Variants in ABR observed in about 807,000 individuals in gnomAD.
The protein encoded by ABR is ABR activator of RhoGEF and GTPase.
A neutral mutation model predicts 107.2 loss-of-function variants in ABR; 35 were observed. The observed-to-expected ratio is 0.33, with a 90% CI of 0.25 to 0.43. ABR has a LOEUF of 0.43. Ranked by LOEUF, ABR falls within the 20% of genes least tolerant of loss-of-function variation. The pLI is 1.00. For missense variants in ABR, 815 were observed against 1,115.2 expected (o/e 0.73, Z 3.83); for synonymous variants, 498 against 462.0 (o/e 1.08, Z -1.00).
chr17:1,227,365 C>G (rs1208335919), intron 1 of ABR, among the ~76,000 whole-genome samples: 2 of 152,150 alleles, frequency 1.3e-5, no homozygotes, highest in South Asian at 4.1e-4. Context: ...GTAGCCTCCA[C>G]CAAGGGCATT....
chr17:1,085,622 C>T (rs142438143), intron 4 of ABR, among the ~76,000 whole-genome samples: 11 of 152,286 alleles, frequency 7.2e-5, no homozygotes, highest in African/African-American at 2.6e-4. Context: ...GCAGTCGCCA[C>T]CAGCTACCTG....
At chr17:1,215,211 C>T (rs1342502286) in intron 1 of ABR, among the ~76,000 whole-genome samples, 1 of 94,012 alleles carries the variant, frequency 1.1e-5, no homozygotes, top group African/African-American at 4.1e-5. Flanking sequence ...CAGAGCAAGA[C>T]TCTGTCTCAA....
intron 16 of ABR, among the ~76,000 whole-genome samples, chr17:1,018,674 A>C (rs1395149411): frequency 1.3e-5 from 2 of 152,154 alleles, no homozygotes; most frequent in African/African-American, 4.8e-5. Context: ...GCACTCGGGC[A>C]AGGCCTTTCA....
intron 2 of ABR, among the ~76,000 whole-genome samples, chr17:1,115,066 A>T (rs2038921430): frequency 6.6e-6 from 1 of 152,160 alleles, no homozygotes; most frequent in Non-Finnish European, 1.5e-5. Context: ...AGGTCACACA[A>T]GGCCTTGACA....
intron 16 of ABR, among the ~76,000 whole-genome samples, chr17:1,028,617 C>T (rs759267960): frequency 8.5e-5 from 13 of 152,320 alleles, no homozygotes; most frequent in Non-Finnish European, 1.9e-4. Context: ...TCACAGAACA[C>T]GGGACTCACC....
chr17:1,101,951 T>A (rs571734323), intron 2 of ABR, among the ~76,000 whole-genome samples: 21 of 152,226 alleles, frequency 1.4e-4, no homozygotes, highest in African/African-American at 3.9e-4. Flanking sequence ...GCCAGGATGG[T>A]CTCGATCTCC....
At chr17:1,114,074 G>A (rs2038865686) in intron 2 of ABR, among the ~76,000 whole-genome samples, 1 of 151,914 alleles carries the variant, frequency 6.6e-6, no homozygotes, top group African/African-American at 2.4e-5. Context: ...GGGAGGCTGA[G>A]GCAGGAGGAT....
Position 1,157,095 on chromosome 17 carries a change from C to A in ABR, c.61+22572G>T, listed in dbSNP as rs948367029. Reference sequence around the variant, plus strand: ...CAGGAGGCAGGCACTAATATTATCTCAATTTTACGGATGAGGAAACCGAAG... The same window carrying A: ...CAGGAGGCAGGCACTAATATTATCTAAATTTTACGGATGAGGAAACCGAAG... On this transcript the variant is annotated intron_variant, in intron 1 of 22. Coordinates refer to ENST00000302538, the MANE Select transcript of ABR (RefSeq NM_021962.5). The surrounding 1 kb of genome is among the most constrained non-coding windows in gnomAD (Gnocchi z 4.7). Among the ~76,000 whole-genome samples, 6 of 152,296 alleles carry A rather than the reference C, an allele frequency of 3.9e-5. No individual in the cohort carries two copies. Among genetic ancestry groups the A allele is most frequent in the East Asian group, 3.9e-4 (2 of 5,184 alleles).
At chr17:1,076,736 G>T (rs1415081674) in intron 6 of ABR, among the ~76,000 whole-genome samples, 2 of 135,094 alleles carry the variant, frequency 1.5e-5, no homozygotes, top group Non-Finnish European at 3.1e-5. Flanking sequence ...GGGTGGGGGG[G>T]GTGGCGGCAC....
At position 1,158,923 on chromosome 17, in the gene ABR, G is replaced by C. The variant is rs574432555; in HGVS notation, c.61+20744C>G. 3.3e-5 allele frequency among the ~76,000 whole-genome samples: 5 copies of C among 152,304 alleles called. No homozygotes were observed. In the East Asian group the frequency reaches 9.6e-4, roughly 29 times the overall value. On this transcript the variant is annotated intron_variant, in intron 1 of 22. Coordinates refer to ENST00000302538, the MANE Select transcript of ABR (RefSeq NM_021962.5). ...AGCCACCGTTGTAACCACAGCCTAGGATTACCCAGAGAAGGCTGAAGCCTG... is the reference window on the plus strand; with the variant it reads ...AGCCACCGTTGTAACCACAGCCTAGCATTACCCAGAGAAGGCTGAAGCCTG...
intron 10 of ABR, among the ~76,000 whole-genome samples, chr17:1,062,490 CTGT>C (rs1223353416): frequency 3.8e-4 from 46 of 120,932 alleles, no homozygotes; most frequent in Middle Eastern, 4.9e-3. Context: ...CCTCCAGACA[CTGT>C]TGTTATGTGA....
intron 3 of ABR, among the ~76,000 whole-genome samples, chr17:1,098,493 C>T (rs900151213): frequency 3.3e-5 from 5 of 152,278 alleles, no homozygotes; most frequent in Admixed American, 6.5e-5. Context: ...TTATCTTTCC[C>T]GTGTATGATG....
At chr17:1,190,214 C>G (rs2042401424), upstream of ABR, among the ~76,000 whole-genome samples, 2 of 152,196 alleles carry the variant, frequency 1.3e-5, no homozygotes, top group South Asian at 4.1e-4. Context: ...GGCTGTACTC[C>G]TTTCTATCCA....
intron 1 of ABR, among the ~76,000 whole-genome samples, chr17:1,216,487 C>T (rs140297698): frequency 2.0e-5 from 3 of 152,222 alleles, no homozygotes; most frequent in Non-Finnish European, 2.9e-5. Context: ...GGCAAAATCA[C>T]GTCCAGCCTG....
chr17:1,175,735 T>C (rs1294791174), intron 1 of ABR, among the ~76,000 whole-genome samples: 1 of 152,124 alleles, frequency 6.6e-6, no homozygotes, highest in African/African-American at 2.4e-5. Flanking sequence ...AAACCTGTGA[T>C]GGAAGTGGGC....
chr17:1,102,145 G>A (rs1309069564), intron 2 of ABR, among the ~76,000 whole-genome samples: 1 of 152,156 alleles, frequency 6.6e-6, no homozygotes, highest in African/African-American at 2.4e-5. Context: ...TACCCTTCCA[G>A]TCTTTCCCAC....
At chr17:1,218,927 G>A (rs1376050938) in intron 1 of ABR, among the ~76,000 whole-genome samples, 1 of 152,166 alleles carries the variant, frequency 6.6e-6, no homozygotes, top group Non-Finnish European at 1.5e-5. Flanking sequence ...TGAGCAATCA[G>A]ATCTTTAGGC....
intron 1 of ABR, among the ~76,000 whole-genome samples, chr17:1,196,941 G>GC (rs1410954463): frequency 2.0e-5 from 3 of 151,654 alleles, no homozygotes; most frequent in Non-Finnish European, 4.4e-5. Context: ...TGATCCATCC[G>GC]CCTCGGCCTC....
rs1429418309 is a variant in ABR at position 1,050,004 on chromosome 17, A to T, written c.1791+46T>A. On this transcript the variant is annotated intron_variant, in intron 16 of 22. Coordinates refer to ENST00000302538, the MANE Select transcript of ABR (RefSeq NM_021962.5). This position sits in a 1 kb window ranked among gnomAD's most constrained non-coding sequence, Gnocchi z 4.6. ...CCAGAATTCCTTTTCAACTGGAACC[A>T]CCTCCTGGAGGCTCCCTCAGCCTCG... 1.3e-6 allele frequency: 2 copies of T among 1,574,212 alleles called. No individual in the cohort carries two copies. Among genetic ancestry groups the T allele is most frequent in the South Asian group, 1.2e-5 (1 of 85,712 alleles).
Sources: allele counts gnomAD v4.1 joint callset (sites outside exome capture counted in the v4.1 genomes callset), GRCh38; gene constraint gnomAD v4.1.1; non-coding constraint Gnocchi (gnomAD v3.1); transcripts MANE v1.5; gene names NCBI Gene and HGNC (gene_info 2026-07-23, HGNC 2026-07-21).